The following CELF2 variants were observed in gnomAD, a reference collection of about 807,000 sequenced individuals.
CELF2 encodes the protein CUG triplet repeat RNA-binding protein 2.
A neutral mutation model predicts 62.6 loss-of-function variants in CELF2; 8 were observed. The observed-to-expected ratio is 0.13, with a 90% CI of 0.07 to 0.23. The LOEUF (loss-of-function observed/expected upper bound fraction) is 0.23, where lower values mean the gene tolerates loss of function less well. Among genes scored for constraint, CELF2 ranks in the 10% least tolerant of loss-of-function variants. The pLI is 1.00. For missense variants in CELF2, 333 were observed against 671.0 expected, an observed-to-expected ratio of 0.50 and a Z score of 5.56; for synonymous variants, 258 against 250.0, an observed-to-expected ratio of 1.03 and a Z score of -0.30.
intron 1 of CELF2, among the ~76,000 whole-genome samples, chr10:10,810,941 A>C (rs554488343): frequency 2.0e-5 from 3 of 152,316 alleles, no homozygotes; most frequent in African/African-American, 7.2e-5. Flanking sequence ...AGGATCCAGG[A>C]AGAAACACTT....
At chr10:11,256,422 A>T (rs2078756452) in intron 4 of CELF2, among the ~76,000 whole-genome samples, 1 of 152,220 alleles carries the variant, frequency 6.6e-6, no homozygotes, top group South Asian at 2.1e-4. Flanking sequence ...TGTCCGGGGT[A>T]GGCATAAAAG....
intron 1 of CELF2, among the ~76,000 whole-genome samples, chr10:11,052,600 A>G (rs1018550305): frequency 3.9e-5 from 6 of 152,234 alleles, no homozygotes; most frequent in Non-Finnish European, 8.8e-5. Context: ...TAGGTAAACT[A>G]TACCTTTCTT....
the CELF2 span, among the ~76,000 whole-genome samples, chr10:10,602,737 A>C: frequency 9.2e-5 from 14 of 152,184 alleles, no homozygotes; most frequent in Non-Finnish European, 1.6e-4. Flanking sequence ...CTTGATGAGC[A>C]TACATGCATT....
At chr10:10,923,812 G>C (rs934810707) in intron 2 of CELF2, 3 of 152,182 alleles carry the variant, frequency 2.0e-5, no homozygotes, top group Non-Finnish European at 4.4e-5. Context: ...CCCGGAAACG[G>C]GATGTATGGA....
the CELF2 span, among the ~76,000 whole-genome samples, chr10:10,728,174 T>C: frequency 1.2e-4 from 18 of 151,282 alleles, 1 homozygote; most frequent in Middle Eastern, 3.4e-3. Flanking sequence ...TCGCGGTGGC[T>C]CATGCCTGTA....
chr10:11,039,692 A>G lies in CELF2; in HGVS notation c.74+21529A>G, dbSNP rs1390549317. 2.6e-5 allele frequency among the ~76,000 whole-genome samples: 4 copies of G among 152,238 alleles called. No individual in the cohort carries two copies. Among genetic ancestry groups the G allele is most frequent in the Admixed American group, 6.5e-5 (1 of 15,286 alleles). ...TTAAGTGTACTTCATAATTTTGATCATTGAACCAGGAACATTATGTACCAG... is the reference window on the plus strand; with the variant it reads ...TTAAGTGTACTTCATAATTTTGATCGTTGAACCAGGAACATTATGTACCAG... On this transcript the variant is annotated intron_variant, in intron 1 of 12. Coordinates refer to ENST00000633077, the MANE Select transcript of CELF2 (RefSeq NM_001326342.2). This position sits in a 1 kb window ranked among gnomAD's most constrained non-coding sequence, Gnocchi z 4.1.
chr10:10,879,334 G>A (rs562793525), intron 1 of CELF2, among the ~76,000 whole-genome samples: 9 of 152,218 alleles, frequency 5.9e-5, no homozygotes, highest in Admixed American at 2.0e-4. Flanking sequence ...TTAGTGCCAC[G>A]CACTGGCTAG....
chr10:11,251,362 G>T (rs1442050002), intron 4 of CELF2, among the ~76,000 whole-genome samples: 1 of 146,860 alleles, frequency 6.8e-6, no homozygotes, highest in Admixed American at 7.0e-5. Context: ...GCTGCCAGGA[G>T]TTTGCAGAGT....
intron 3 of CELF2, among the ~76,000 whole-genome samples, chr10:11,241,589 C>T (rs111765324): frequency 7.2e-5 from 11 of 152,198 alleles, no homozygotes; most frequent in African/African-American, 2.2e-4. Context: ...GCAAGTTTAC[C>T]GTAGTGTTAG....
At chr10:10,492,971 G>A in the CELF2 span, among the ~76,000 whole-genome samples, 2 of 152,148 alleles carry the variant, frequency 1.3e-5, no homozygotes, top group African/African-American at 4.8e-5. Flanking sequence ...TTCACCTCCT[G>A]CCGTGATTGT....
chr10:10,571,716 G>A, the CELF2 span, among the ~76,000 whole-genome samples: 1 of 152,184 alleles, frequency 6.6e-6, no homozygotes, highest in East Asian at 1.9e-4. Context: ...TTGTAAGGCT[G>A]AGTCGGACAG....
At chr10:10,761,023 G>A in the CELF2 span, among the ~76,000 whole-genome samples, 1 of 152,104 alleles carries the variant, frequency 6.6e-6, no homozygotes, top group Non-Finnish European at 1.5e-5. Context: ...GTGTTTTATG[G>A]AGCATAGATA....
intron 5 of CELF2, 146 bp downstream of exon 5, chr10:11,258,018 A>T (rs540896401): frequency 3.4e-6 from 3 of 889,502 alleles, no homozygotes; most frequent in Non-Finnish European, 5.0e-6. Flanking sequence ...TGAACTTTTC[A>T]CCATAGCTGA....
rs552051326 is a variant in CELF2 at position 10,939,782 on chromosome 10, A to G, written c.89+19783A>G. On this transcript the variant is annotated intron_variant, in intron 2 of 13. Transcript: ENST00000636488. The stretch of plus-strand genomic sequence containing the variant: ...ATCCTGGCTAACACGGTGAAACCCC[A>G]TCTCTACTAAAAATACAAAAAATTA... Among the ~76,000 whole-genome samples the G allele has an allele frequency of 1.9e-4, 29 of 151,774 alleles. No homozygotes were observed. In the South Asian group the frequency reaches 4.8e-3, roughly 25 times the overall value.
the CELF2 span, among the ~76,000 whole-genome samples, chr10:10,510,361 A>G: frequency 3.9e-5 from 6 of 152,310 alleles, no homozygotes; most frequent in South Asian, 6.2e-4. Flanking sequence ...GCATTTTGCA[A>G]TACTTCTTTT....
At position 11,249,077 on chromosome 10, in the gene CELF2, C is replaced by T. The variant is rs1385775833; in HGVS notation, c.355-76C>T. Reference sequence around the variant, plus strand: ...GTGCCCTTAAAACAGTATCAGTAATCGAATTGCTGCAGATTTCTGAGATGA... The same window carrying T: ...GTGCCCTTAAAACAGTATCAGTAATTGAATTGCTGCAGATTTCTGAGATGA... On this transcript the variant is annotated intron_variant, in intron 3 of 12. Coordinates refer to ENST00000633077, the MANE Select transcript of CELF2 (RefSeq NM_001326342.2). 8 of 1,169,446 alleles carry T rather than the reference C, an allele frequency of 6.8e-6. No individual in the cohort carries two copies. In the East Asian group the frequency reaches 9.4e-5, roughly 14 times the overall value. 72.4% of individuals were successfully genotyped at this position (1,169,446 alleles called of 1,614,324 possible). A position where few individuals can be genotyped will look rare whatever the true frequency, so the allele number is the denominator to read the frequency against.
At chr10:10,653,882 G>T in the CELF2 span, among the ~76,000 whole-genome samples, 1 of 151,494 alleles carries the variant, frequency 6.6e-6, no homozygotes, top group South Asian at 2.1e-4. Flanking sequence ...CAGAATTGAA[G>T]GAAATAGAGA....
chr10:10,496,245 C>T, the CELF2 span, among the ~76,000 whole-genome samples: 1 of 152,210 alleles, frequency 6.6e-6, no homozygotes, highest in East Asian at 1.9e-4. Context: ...TGACAAGTTA[C>T]TTCATTCGGT....
the CELF2 span, among the ~76,000 whole-genome samples, chr10:10,718,516 T>C: frequency 0.02 from 2,953 of 150,310 alleles, 42 homozygotes; most frequent in African/African-American, 0.048. Flanking sequence ...TCCAGCTACT[T>C]GGGAGGCGGA....
Sources: gnomAD v4.1 joint callset for allele counts (sites outside exome capture counted in the v4.1 genomes callset) on GRCh38, gnomAD v4.1.1 for gene constraint, Gnocchi (gnomAD v3.1) non-coding constraint, MANE v1.5 for transcripts, NCBI Gene and HGNC (gene_info 2026-07-23, HGNC 2026-07-21) for gene names.